Variants in STAT6 observed in about 807,000 individuals in gnomAD.
STAT6 encodes STAT, interleukin4-induced.
A neutral mutation model predicts 106.3 loss-of-function variants in STAT6; 45 were observed. The ratio of observed to expected loss-of-function variants is 0.42; its 90% CI spans 0.33 to 0.54. The LOEUF is 0.54. Ranked by LOEUF, STAT6 falls within the 20% of genes least tolerant of loss-of-function variation. The probability of loss-of-function intolerance (pLI) is 0.06; values close to 1 mark genes in which losing one functional copy is unlikely to be tolerated. For missense variants in STAT6, 797 were observed against 1,062.2 expected, an observed-to-expected ratio of 0.75 and a Z score of 3.47; for synonymous variants, 413 against 413.6, an observed-to-expected ratio of 1.00 and a Z score of 0.02.
At chr12:57,100,577 T>G (rs10783813) in intron 13 of STAT6, among the ~76,000 whole-genome samples, 6,440 of 150,998 alleles carry the variant, frequency 0.043, 625 homozygotes, top group East Asian at 0.41. Flanking sequence ...ACATGAGCAT[T>G]TCTTTCTTCT....
chr12:57,104,325 A>G, intron 11 of STAT6, 139 bp downstream of exon 11: 1 of 1,260,054 alleles, frequency 7.9e-7, no homozygotes, highest in South Asian at 1.5e-5. Flanking sequence ...ACCCCCACTC[A>G]CCCGGGCCCC....
In STAT6 at chr12:57,104,495, A is replaced by C; in HGVS notation, c.1181T>G (p.Leu394Arg). The change falls in exon 11 of 22, where the codon CTT (leucine) becomes CGT (arginine). Residue 394 changes from leucine to arginine, a missense_variant. Transcript: ENST00000300134. ...CTGGATGGGGAGTTTGCCGGGGCCA[A>C]GTGTGAAGCTGGCAGAGAAGAGCAC... The part of the protein sequence containing the change: ...CAVLFSASFT[L>R]GPGKLPIQLQ... The C allele has an allele frequency of 1.2e-6, 2 of 1,612,162 alleles. No homozygotes were observed. The highest frequency in any genetic ancestry group is 1.7e-6 in the Non-Finnish European group (2 of 1,179,410).
chr12:57,109,984 T>A (rs2034488093), intron 1 of STAT6: 2 of 152,244 alleles, frequency 1.3e-5, no homozygotes, highest in Admixed American at 1.3e-4. Flanking sequence ...AGAGGTCCCT[T>A]CTCTGGACGT....
chr12:57,108,493 G>A (rs1253168356), intron 1 of STAT6, among the ~76,000 whole-genome samples, 194 bp from the exon 2 acceptor site: 1 of 152,218 alleles, frequency 6.6e-6, no homozygotes, highest in African/African-American at 2.4e-5. Flanking sequence ...GATAGACACA[G>A]GGGTGGGAAG....
In STAT6 at chr12:57,099,718, C is replaced by A; in HGVS notation, c.1744+49G>T. On this transcript the variant is annotated intron_variant, in intron 15 of 21. Coordinates refer to ENST00000300134, the MANE Select transcript of STAT6 (RefSeq NM_003153.5). This position sits in a 1 kb window ranked among gnomAD's most constrained non-coding sequence, Gnocchi z 4.7. ...AGGACATTTCATTCCCAGAAGAAAC[C>A]CCAGAGGGCACAGGCACAGAGACAG... is the stretch of plus-strand genomic sequence containing the variant. 6.2e-7 allele frequency: 1 copy of A among 1,610,428 alleles called. No homozygotes were observed. Among genetic ancestry groups the A allele is most frequent in the Non-Finnish European group, 8.5e-7 (1 of 1,177,908 alleles).
At chr12:57,100,233 C>T (rs184036828) in intron 13 of STAT6, 143 bp from the exon 14 acceptor site, 43 of 693,628 alleles carry the variant, frequency 6.2e-5, no homozygotes, top group East Asian at 2.7e-4. Flanking sequence ...TCAATGACAA[C>T]GACCAATCCT....
chr12:57,098,925 T>G, intron 17 of STAT6, 23 bp from the exon 18 acceptor site: 1 of 1,613,180 alleles, frequency 6.2e-7, no homozygotes, highest in South Asian at 1.1e-5. Context: ...AGGAGGTACA[T>G]GTGACTGACC....
In STAT6 at chr12:57,106,347, C is replaced by T. The variant is rs1331140069; in HGVS notation, c.532-8G>A. Reference sequence around the variant, plus strand: ...CAGTAGCATGGCCAGGGCCTATGGGCAGAGAGGGGCCTGAGCCAGGGCCTC... The same window carrying T: ...CAGTAGCATGGCCAGGGCCTATGGGTAGAGAGGGGCCTGAGCCAGGGCCTC... On this transcript the variant is annotated splice_region_variant and splice_polypyrimidine_tract_variant and intron_variant, in intron 6 of 21. Transcript: ENST00000300134. 6.2e-7 allele frequency: 1 copy of T among 1,614,176 alleles called. No individual in the cohort carries two copies. The highest frequency in any genetic ancestry group is 2.2e-5 in the East Asian group (1 of 44,890).
At position 57,099,475 on chromosome 12, in the gene STAT6, C is replaced by T. The variant is rs753743022; in HGVS notation, c.1745-35G>A. On this transcript the variant is annotated intron_variant, in intron 15 of 21. Coordinates refer to ENST00000300134, the MANE Select transcript of STAT6 (RefSeq NM_003153.5). This position sits in a 1 kb window ranked among gnomAD's most constrained non-coding sequence, Gnocchi z 4.7. ...GAAGGAGACCCTGAGATCCCTCTGT[C>T]CGGACTTTCTTCCCCTTCCCCAACC... 2.5e-6 allele frequency: 4 copies of T among 1,613,494 alleles called. No homozygotes were observed. The highest frequency in any genetic ancestry group is 3.4e-6 in the Non-Finnish European group (4 of 1,179,696).
Position 57,099,528 on chromosome 12 carries a change from CCAAGG to C in STAT6, c.1745-93_1745-89del. 1 of 1,572,790 alleles carries C rather than the reference CCAAGG, an allele frequency of 6.4e-7. No homozygotes were observed. Among genetic ancestry groups the C allele is most frequent in the Non-Finnish European group, 8.7e-7 (1 of 1,150,872 alleles). On this transcript the variant is annotated intron_variant, in intron 15 of 21. Transcript: ENST00000300134. The surrounding 1 kb of genome is among the most constrained non-coding windows in gnomAD (Gnocchi z 4.7). ...TACCATAAGACCTGTTCTCACTCCA[CCAAGG>C]CAAGGGAGAGAGGACCTAGGGTGGG...
chr12:57,102,701 G>C (rs941250793), intron 12 of STAT6, 128 bp downstream of exon 12: 3 of 930,804 alleles, frequency 3.2e-6, no homozygotes, highest in African/African-American at 1.6e-5. Flanking sequence ...CACGAAAGCA[G>C]GCCCATGAGA....
Position 57,097,059 on chromosome 12 carries a change from G to A in STAT6, c.2225+9C>T. 4 of 1,565,196 alleles carry A rather than the reference G, an allele frequency of 2.6e-6. No homozygotes were observed. The highest frequency in any genetic ancestry group is 3.5e-6 in the Non-Finnish European group (4 of 1,153,662). On this transcript the variant is annotated intron_variant, in intron 20 of 21. Transcript: ENST00000300134. ...GGCACATGGGGTCAGGAGGGGCTTT[G>A]TCACTCACTGGGGGTGAGGCTGGTC... is the stretch of plus-strand genomic sequence containing the variant.
At chr12:57,100,688 G>A (rs1259322731) in intron 13 of STAT6, among the ~76,000 whole-genome samples, 4 of 61,846 alleles carry the variant, frequency 6.5e-5, no homozygotes, top group African/African-American at 2.9e-4. Context: ...AAGAAAGAAA[G>A]AAAGAAAGAA....
chr12:57,104,172 T>C (rs923980813), intron 11 of STAT6: 10 of 396,732 alleles, frequency 2.5e-5, no homozygotes, highest in African/African-American at 2.0e-4. Flanking sequence ...CATAATGTTA[T>C]TGTGAAAACC....
At position 57,105,557 on chromosome 12, in the gene STAT6, C is replaced by T. The variant is rs1350496243; in HGVS notation, c.723G>A (p.Glu241=). ...CAAGCTCCCCACCAGCCGCCCCTAC[C>T]TCCTGCTGTAGCTGGGAATAAATGT... ...LVDIYSQLQQ[E]VGAAGGELEP... The change falls in exon 8 of 22, where the codon GAG becomes GAA. Residue 241 remains glutamate, a synonymous_variant. Transcript: ENST00000300134. 2 of 1,613,954 alleles carry T rather than the reference C, an allele frequency of 1.2e-6. No individual in the cohort carries two copies. Among genetic ancestry groups the T allele is most frequent in the African/African-American group, 1.3e-5 (1 of 74,922 alleles).
At chr12:57,106,903 G>A in intron 4 of STAT6, 72 bp from the exon 5 acceptor site, 4 of 1,588,994 alleles carry the variant, frequency 2.5e-6, no homozygotes, top group Non-Finnish European at 3.4e-6. Flanking sequence ...TCCACTCTCT[G>A]CTCTGCAGAT....
At chr12:57,101,630 C>T (rs561619425) in intron 13 of STAT6, among the ~76,000 whole-genome samples, 13 of 143,208 alleles carry the variant, frequency 9.1e-5, no homozygotes, top group East Asian at 2.2e-4. Context: ...TCCCAAAGTG[C>T]TGGGATTACA....
intron 1 of STAT6, chr12:57,110,274 C>T (rs964252949): frequency 6.6e-6 from 1 of 152,316 alleles, no homozygotes; most frequent in African/African-American, 2.4e-5. Context: ...CAACCCATAA[C>T]AAGGCTGGGT....
At chr12:57,103,903 G>A (rs1338190656) in intron 11 of STAT6, 1 of 153,076 alleles carries the variant, frequency 6.5e-6, no homozygotes, top group Admixed American at 6.5e-5. Context: ...GTTTCCTCAG[G>A]GGACTGGCTC....
Sources: allele counts gnomAD v4.1 joint callset (sites outside exome capture counted in the v4.1 genomes callset), GRCh38; gene constraint gnomAD v4.1.1; non-coding constraint Gnocchi (gnomAD v3.1); transcripts MANE v1.5; gene names NCBI Gene and HGNC (gene_info 2026-07-23, HGNC 2026-07-21).